The following MICAL3 variants were observed in gnomAD, a reference collection of about 807,000 sequenced individuals.
The protein encoded by MICAL3 is microtubule associated monooxygenase, calponin and LIM domain containing 3.
Under a neutral mutation model 207.4 loss-of-function variants are expected in MICAL3, and 62 were observed. The observed-to-expected ratio is 0.30, with a 90% CI of 0.24 to 0.37. MICAL3 has a LOEUF of 0.37. Ranked by LOEUF, MICAL3 falls within the 10% of genes least tolerant of loss-of-function variation. The pLI, the probability that MICAL3 is intolerant of heterozygous loss-of-function variation, is 1.00. For synonymous variants in MICAL3, 1,077 were observed against 1,069.3 expected (o/e 1.01, Z -0.14); for missense variants, 2,368 against 2,635.6 (o/e 0.90, Z 2.22).
intron 29 of MICAL3, among the ~76,000 whole-genome samples, chr22:17,799,982 A>ACACACG (rs932512538): frequency 6.8e-5 from 10 of 147,762 alleles, no homozygotes; most frequent in African/African-American, 2.5e-4. Flanking sequence ...ACACACACAC[A>ACACACG]CGCGTTGGGA....
chr22:18,002,471 A>G (rs865935198), intron 1 of MICAL3, among the ~76,000 whole-genome samples: 56 of 151,824 alleles, frequency 3.7e-4, no homozygotes, highest in South Asian at 2.1e-4. Context: ...CGTCTCTACT[A>G]AAAATACAAA....
chr22:17,792,709 G>A (rs1283627812), intron 29 of MICAL3, among the ~76,000 whole-genome samples: 5 of 152,230 alleles, frequency 3.3e-5, no homozygotes, highest in African/African-American at 1.2e-4. Context: ...TGTCTGTACT[G>A]TGCCCTAGTG....
At chr22:17,844,429 G>C (rs1481564718) in intron 19 of MICAL3, among the ~76,000 whole-genome samples, 1 of 152,238 alleles carries the variant, frequency 6.6e-6, no homozygotes, top group Non-Finnish European at 1.5e-5. Flanking sequence ...CACTTCTGTT[G>C]TGTGCAGTGT....
chr22:18,015,782 G>A (rs184125763), intron 1 of MICAL3, among the ~76,000 whole-genome samples: 2 of 152,110 alleles, frequency 1.3e-5, no homozygotes, highest in African/African-American at 2.4e-5. Flanking sequence ...TGTTCTATTC[G>A]CTATTGTTCC....
chr22:17,919,216 C>T (rs1028312500), intron 1 of MICAL3, among the ~76,000 whole-genome samples: 8 of 152,128 alleles, frequency 5.3e-5, no homozygotes, highest in African/African-American at 1.9e-4. Context: ...AGGTGCACAC[C>T]ACCAAGCATA....
Position 17,796,900 on chromosome 22 carries a change from A to G in MICAL3, c.5651-5599T>C, listed in dbSNP as rs2061882496. On this transcript the variant is annotated intron_variant, in intron 29 of 31. Coordinates refer to ENST00000441493, the MANE Select transcript of MICAL3 (RefSeq NM_015241.3). This position sits in a 1 kb window ranked among gnomAD's most constrained non-coding sequence, Gnocchi z 4.4. ...ATGGGCCCAAGACCCAGTGTGGGGT[A>G]GAATGGCCAACAGTGTGGGGGAAAG... is the stretch of plus-strand genomic sequence containing the variant. Among the ~76,000 whole-genome samples the G allele has an allele frequency of 6.6e-6, 1 of 152,164 alleles. No individual in the cohort carries two copies. The highest frequency in any genetic ancestry group is 2.4e-5 in the African/African-American group (1 of 41,412).
chr22:17,944,203 C>T (rs535347853), intron 1 of MICAL3, among the ~76,000 whole-genome samples: 20 of 152,280 alleles, frequency 1.3e-4, no homozygotes, highest in Middle Eastern at 3.4e-3. Context: ...AACCTCTATC[C>T]AGAAACTAAC....
intron 12 of MICAL3, among the ~76,000 whole-genome samples, 173 bp downstream of exon 12, chr22:17,891,312 T>C (rs1420439718): frequency 6.6e-6 from 1 of 152,172 alleles, no homozygotes; most frequent in Non-Finnish European, 1.5e-5. Context: ...TTGAGCTATA[T>C]AATACATGAC....
chr22:17,947,192 C>T (rs1339458970), intron 1 of MICAL3, among the ~76,000 whole-genome samples: 2 of 152,248 alleles, frequency 1.3e-5, no homozygotes, highest in African/African-American at 4.8e-5. Context: ...CCTACAGCCG[C>T]TGCACGCGTT....
chr22:18,011,603 G>T lies in MICAL3; in HGVS notation c.-75+12678C>A, dbSNP rs200848472. Reference sequence around the variant, plus strand: ...ATATAAATAAAGGCCAGGCGCGGTGGCTCACACCTGTAATCCCAGCACTTT... The same window carrying T: ...ATATAAATAAAGGCCAGGCGCGGTGTCTCACACCTGTAATCCCAGCACTTT... On this transcript the variant is annotated intron_variant, in intron 1 of 31. Transcript: ENST00000441493. 5.9e-4 allele frequency among the ~76,000 whole-genome samples: 89 copies of T among 151,434 alleles called. 2 individuals carry two copies. In the East Asian group the frequency reaches 0.015, roughly 26 times the overall value.
chr22:17,895,228 A>G, intron 10 of MICAL3, 56 bp downstream of exon 10: 1 of 1,587,994 alleles, frequency 6.3e-7, no homozygotes. Flanking sequence ...ACAGATCAGA[A>G]TTCTCATTGG....
At chr22:17,846,223 C>A (rs1426441254) in intron 19 of MICAL3, among the ~76,000 whole-genome samples, 1 of 152,186 alleles carries the variant, frequency 6.6e-6, no homozygotes, top group Non-Finnish European at 1.5e-5. Context: ...AGCTCCAGCT[C>A]ACCCTGTGGA....
intron 1 of MICAL3, among the ~76,000 whole-genome samples, chr22:17,971,192 G>C (rs1056296999): frequency 2.0e-5 from 3 of 151,184 alleles, no homozygotes; most frequent in South Asian, 2.1e-4. Flanking sequence ...AAAAGGGGGG[G>C]GCTGGGCGCT....
At position 17,841,584 on chromosome 22, in the gene MICAL3, G is replaced by A. The variant is rs1249161527; in HGVS notation, c.2801+238C>T. 13 of 580,708 alleles carry A rather than the reference G, an allele frequency of 2.2e-5. No homozygotes were observed. The highest frequency in any genetic ancestry group is 3.7e-5 in the African/African-American group (2 of 53,690). The allele number at this position is 580,708 out of a possible 1,614,324, so 36.0% of individuals were successfully genotyped here. A position where few individuals can be genotyped will look rare whatever the true frequency, so the allele number is the denominator to read the frequency against. Reference sequence around the variant, plus strand: ...TCCCAATGACAGACTTGGAGCTGGGGACATGTCAGGTCCTCAAGGAATAAA... The same window carrying A: ...TCCCAATGACAGACTTGGAGCTGGGAACATGTCAGGTCCTCAAGGAATAAA... On this transcript the variant is annotated intron_variant, in intron 20 of 31. Transcript: ENST00000441493. This position sits in a 1 kb window ranked among gnomAD's most constrained non-coding sequence, Gnocchi z 4.2.
Position 17,793,278 on chromosome 22 carries a change from C to T in MICAL3, c.5651-1977G>A, listed in dbSNP as rs186460221. The stretch of plus-strand genomic sequence containing the variant: ...TAAAACACGCACACTCAGCAAGACA[C>T]GAGGTAGAGAGGTTTGCTTTCAGTG... On this transcript the variant is annotated intron_variant, in intron 29 of 31. Transcript: ENST00000441493. The surrounding 1 kb of genome is among the most constrained non-coding windows in gnomAD (Gnocchi z 4.1). 3.4e-4 allele frequency among the ~76,000 whole-genome samples: 52 copies of T among 152,014 alleles called. No homozygotes were observed. The highest frequency in any genetic ancestry group is 3.1e-3 in the Admixed American group (48 of 15,278).
At position 17,841,380 on chromosome 22, in the gene MICAL3, C is replaced by G. The variant is rs535772546; in HGVS notation, c.2801+442G>C. On this transcript the variant is annotated intron_variant, in intron 20 of 31. Coordinates refer to ENST00000441493, the MANE Select transcript of MICAL3 (RefSeq NM_015241.3). This position sits in a 1 kb window ranked among gnomAD's most constrained non-coding sequence, Gnocchi z 4.2. ...TGCTGCATGCGGCCCCTGGGGCACACATTTTCAGTCCCTTTCTTTACCTAC... is the reference window on the plus strand; with the variant it reads ...TGCTGCATGCGGCCCCTGGGGCACAGATTTTCAGTCCCTTTCTTTACCTAC... The G allele has an allele frequency of 3.8e-6, 1 of 265,750 alleles. No homozygotes were observed. Among genetic ancestry groups the G allele is most frequent in the Non-Finnish European group, 7.2e-6 (1 of 138,502 alleles). 16.5% of individuals were successfully genotyped at this position (265,750 alleles called of 1,614,324 possible).
At chr22:17,952,468 A>G (rs1234032977) in intron 1 of MICAL3, among the ~76,000 whole-genome samples, 1 of 152,234 alleles carries the variant, frequency 6.6e-6, no homozygotes. Flanking sequence ...AGGAGGCCGA[A>G]CTAAGTCAAC....
At chr22:17,925,733 A>G (rs933857230) in intron 1 of MICAL3, among the ~76,000 whole-genome samples, 1 of 152,120 alleles carries the variant, frequency 6.6e-6, no homozygotes, top group South Asian at 2.1e-4. Flanking sequence ...TCATCTGTCC[A>G]TGTTTTCCCG....
chr22:17,982,735 A>AAC (rs1569156821), intron 1 of MICAL3, among the ~76,000 whole-genome samples: 5 of 129,598 alleles, frequency 3.9e-5, no homozygotes, highest in African/African-American at 1.2e-4. Flanking sequence ...ATAACATAAA[A>AAC]ATAAAATAAA....
Sources: gnomAD v4.1 joint callset for allele counts (sites outside exome capture counted in the v4.1 genomes callset) on GRCh38, gnomAD v4.1.1 for gene constraint, Gnocchi (gnomAD v3.1) non-coding constraint, MANE v1.5 for transcripts, NCBI Gene and HGNC (gene_info 2026-07-23, HGNC 2026-07-21) for gene names.